TRPC6: variants seen among roughly 807,000 people sequenced by gnomAD.
TRPC6 encodes short transient receptor potential channel 6.
In TRPC6, 55 loss-of-function variants were observed where a neutral mutation model predicts 90.7. That is an observed-to-expected ratio of 0.61 (90% CI 0.49 to 0.76). TRPC6 has a LOEUF of 0.76. Ranked by LOEUF, TRPC6 falls within the 30% of genes least tolerant of loss-of-function variation. TRPC6 has a pLI of 0.00. For missense variants in TRPC6, 989 were observed against 1,122.7 expected (o/e 0.88, Z 1.70); for synonymous variants, 393 against 393.0 (o/e 1.00, Z 0.00).
chr11:101,566,456 T>C (rs1266488543), intron 1 of TRPC6, among the ~76,000 whole-genome samples: 1 of 152,204 alleles, frequency 6.6e-6, no homozygotes, highest in Non-Finnish European at 1.5e-5. Context: ...TCCCCATAGG[T>C]ATTCTATCAA....
At chr11:101,552,808 G>A (rs1861477565) in intron 1 of TRPC6, among the ~76,000 whole-genome samples, 1 of 152,012 alleles carries the variant, frequency 6.6e-6, no homozygotes, top group South Asian at 2.1e-4. Flanking sequence ...TCTAATTCTG[G>A]GTTCTGGTTA....
At chr11:101,523,848 A>C (rs1860715547) in intron 1 of TRPC6, among the ~76,000 whole-genome samples, 1 of 152,228 alleles carries the variant, frequency 6.6e-6, no homozygotes, top group Admixed American at 6.5e-5. Context: ...CTATTATTGC[A>C]AAAAATGATT....
chr11:101,500,162 A>G (rs1467566796), intron 2 of TRPC6, among the ~76,000 whole-genome samples: 1 of 147,766 alleles, frequency 6.8e-6, no homozygotes, highest in Non-Finnish European at 1.5e-5. Context: ...TCCAATAAGA[A>G]TTGTGTCACA....
At chr11:101,482,165 T>A (rs1859566278) in intron 5 of TRPC6, among the ~76,000 whole-genome samples, 1 of 152,208 alleles carries the variant, frequency 6.6e-6, no homozygotes, top group African/African-American at 2.4e-5. Flanking sequence ...AATTATTGAT[T>A]TACTTACTGA....
chr11:101,481,031 G>A (rs935332894), intron 5 of TRPC6, among the ~76,000 whole-genome samples: 1 of 152,108 alleles, frequency 6.6e-6, no homozygotes, highest in African/African-American at 2.4e-5. Flanking sequence ...ACATATTCAG[G>A]AAATGAAGTG....
intron 4 of TRPC6, among the ~76,000 whole-genome samples, chr11:101,487,421 A>C (rs1013491649): frequency 6.6e-6 from 1 of 152,156 alleles, no homozygotes; most frequent in Non-Finnish European, 1.5e-5. Flanking sequence ...CAATTTTGTT[A>C]CACCAGTATA....
At chr11:101,471,889 TATTAA>T (rs1859300470) in intron 8 of TRPC6, among the ~76,000 whole-genome samples, 1 of 152,222 alleles carries the variant, frequency 6.6e-6, no homozygotes, top group Admixed American at 6.5e-5. Flanking sequence ...TAAAGTTTTT[TATTAA>T]ATTAGTATCA....
chr11:101,544,889 GTT>G (rs1254520888), intron 1 of TRPC6, among the ~76,000 whole-genome samples: 1 of 126,594 alleles, frequency 7.9e-6, no homozygotes, highest in Non-Finnish European at 1.7e-5. Flanking sequence ...TAAAAAAAAT[GTT>G]TGTTCAGTGG....
At chr11:101,549,904 C>T (rs1861413500) in intron 1 of TRPC6, among the ~76,000 whole-genome samples, 1 of 150,896 alleles carries the variant, frequency 6.6e-6, no homozygotes, top group Non-Finnish European at 1.5e-5. Context: ...AAATTAAAAA[C>T]AATATGAGGT....
Position 101,471,303 on chromosome 11 carries a change from G to A in TRPC6, c.2289C>T (p.Pro763=), listed in dbSNP as rs200640958. The part of the protein sequence containing the change: ...YFEEGRTLPV[P]FNLVPSPKSL... ...ACTTTGGACTCGGCACCAGATTGAA[G>A]GGTACAGGAAGTGTTCTGCCCTCCT... Residue 763 remains proline (P), a synonymous_variant, in exon 9 of 13, where the codon CCC becomes CCT. Coordinates refer to ENST00000344327, the MANE Select transcript of TRPC6 (RefSeq NM_004621.6). 3.1e-6 allele frequency: 5 copies of A among 1,613,942 alleles called. No individual in the cohort carries two copies. The South Asian group carries it at 3.3e-5, about 11-fold the overall frequency.
chr11:101,514,006 C>T (rs10895128), intron 1 of TRPC6, among the ~76,000 whole-genome samples: 74,657 of 152,008 alleles, frequency 0.49, 18,707 homozygotes, highest in African/African-American at 0.55. Flanking sequence ...CTATGTGTAA[C>T]AGAGTACATG....
chr11:101,559,644 T>TA (rs1394904014), intron 1 of TRPC6, among the ~76,000 whole-genome samples: 1 of 152,026 alleles, frequency 6.6e-6, no homozygotes, highest in Non-Finnish European at 1.5e-5. Flanking sequence ...TCTTTTTTTT[T>TA]TTATTATACT....
chr11:101,473,722 T>TAAAG lies in TRPC6; in HGVS notation c.1792_1795dup (p.Tyr599SerfsTer12). The TAAAG allele has an allele frequency of 6.2e-7, 1 of 1,613,748 alleles. No individual in the cohort carries two copies. Among genetic ancestry groups the TAAAG allele is most frequent in the African/African-American group, 1.3e-5 (1 of 75,034 alleles). On this transcript the variant is annotated frameshift_variant, in exon 7 of 13. Transcript: ENST00000344327. LOFTEE classifies it high-confidence loss of function. ...GAAACTTAAAACTACAGCAATTGCA[T>TAAAG]AAAGACCTTCAGATATTATTTGAGG...
chr11:101,474,961 C>T (rs1461178085), intron 6 of TRPC6, among the ~76,000 whole-genome samples: 1 of 152,174 alleles, frequency 6.6e-6, no homozygotes, highest in Non-Finnish European at 1.5e-5. Flanking sequence ...CATGGAAGAT[C>T]TCACTTGATC....
In TRPC6 at chr11:101,492,041, G is replaced by A. The variant is rs192744622; in HGVS notation, c.946-303C>T. Reference sequence around the variant, plus strand: ...TTTTTAGTAGAGACGGGATTTCACCGTGTTAGCCAGGATGGTTTCGATCTC... The same window carrying A: ...TTTTTAGTAGAGACGGGATTTCACCATGTTAGCCAGGATGGTTTCGATCTC... On this transcript the variant is annotated intron_variant, in intron 2 of 12. Coordinates refer to ENST00000344327, the MANE Select transcript of TRPC6 (RefSeq NM_004621.6). Among the ~76,000 whole-genome samples, 671 of 151,654 alleles carry A rather than the reference G, an allele frequency of 4.4e-3. 3 individuals carry two copies. Among genetic ancestry groups the A allele is most frequent in the African/African-American group, 0.015 (639 of 41,352 alleles).
At chr11:101,455,173 A>T in intron 10 of TRPC6, 72 bp from the exon 11 acceptor site, 2 of 1,219,740 alleles carry the variant, frequency 1.6e-6, no homozygotes, top group Admixed American at 3.5e-5. Flanking sequence ...GAGATTAGTT[A>T]TCTAATGAAC....
At chr11:101,476,570 G>A (rs201344571) in intron 5 of TRPC6, 36 bp from the exon 6 acceptor site, 63 of 1,535,524 alleles carry the variant, frequency 4.1e-5, no homozygotes, top group Admixed American at 4.0e-4. Context: ...CAATTCAATC[G>A]CATTCAGCCT....
In TRPC6 at chr11:101,483,177, C is replaced by T. The variant is rs761683071; in HGVS notation, c.1294-12G>A. The T allele has an allele frequency of 1.2e-6, 2 of 1,613,856 alleles. No homozygotes were observed. The highest frequency in any genetic ancestry group is 1.1e-5 in the South Asian group (1 of 91,088). On this transcript the variant is annotated splice_polypyrimidine_tract_variant and intron_variant, in intron 4 of 12. Coordinates refer to ENST00000344327, the MANE Select transcript of TRPC6 (RefSeq NM_004621.6). ...ATTATCTTCCCCATCTGCCACAACACACACCAAAATAAAATCTTAACTTTG... is the reference window on the plus strand; with the variant it reads ...ATTATCTTCCCCATCTGCCACAACATACACCAAAATAAAATCTTAACTTTG...
intron 1 of TRPC6, among the ~76,000 whole-genome samples, chr11:101,555,052 G>A (rs528841318): frequency 6.4e-4 from 98 of 152,162 alleles, no homozygotes; most frequent in African/African-American, 2.2e-3. Context: ...ATGACACTGC[G>A]GTCTGATAGT....
Sources: gnomAD v4.1 joint callset for allele counts (sites outside exome capture counted in the v4.1 genomes callset) on GRCh38, gnomAD v4.1.1 for gene constraint, MANE v1.5 for transcripts, NCBI Gene and HGNC (gene_info 2026-07-23, HGNC 2026-07-21) for gene names.